The following JAM2 variants were observed in gnomAD, a reference collection of about 807,000 sequenced individuals.
JAM2 encodes the protein junctional adhesion molecule 2.
Under a neutral mutation model 42.0 loss-of-function variants are expected in JAM2, and 17 were observed. That is an observed-to-expected ratio of 0.40 (90% CI 0.28 to 0.61). JAM2 has a LOEUF of 0.61. Among genes scored for constraint, JAM2 ranks in the 20% least tolerant of loss-of-function variants. The pLI is 0.37. For synonymous variants in JAM2, 118 were observed against 128.6 expected (o/e 0.92, Z 0.56); for missense variants, 319 against 358.3 (o/e 0.89, Z 0.89).
chr21:25,645,897 C>T (rs1251309263), intron 1 of JAM2, among the ~76,000 whole-genome samples: 3 of 152,118 alleles, frequency 2.0e-5, no homozygotes, highest in African/African-American at 7.2e-5. Context: ...GGAAAAGGTA[C>T]AGTAAAAACA....
intron 2 of JAM2, among the ~76,000 whole-genome samples, chr21:25,684,711 C>T (rs1414463549): frequency 6.6e-6 from 1 of 152,070 alleles, no homozygotes; most frequent in East Asian, 1.9e-4. Context: ...TCAAGTGATC[C>T]TCCCACCTCA....
chr21:25,658,321 T>TTA lies in JAM2; in HGVS notation c.67+18445_67+18446dup, dbSNP rs200494621. On this transcript the variant is annotated intron_variant, in intron 1 of 9. Coordinates refer to ENST00000480456, the MANE Select transcript of JAM2 (RefSeq NM_021219.4). Reference sequence around the variant, plus strand: ...TGGTATTTAATTGAGAAGGAATTATTTATATATATATATTTCAGGAAGCAA... The same window carrying TTA: ...TGGTATTTAATTGAGAAGGAATTATTTATATATATATATATTTCAGGAAGCAA... 8.2e-3 allele frequency among the ~76,000 whole-genome samples: 1,242 copies of TTA among 151,938 alleles called. 10 individuals are homozygous for TTA. Among genetic ancestry groups the TTA allele is most frequent in the Non-Finnish European group, 0.012 (831 of 67,912 alleles).
Position 25,714,761 on chromosome 21 carries a change from A to G in JAM2, c.*89A>G. The G allele has an allele frequency of 1.2e-6, 1 of 826,670 alleles. No homozygotes were observed. Among genetic ancestry groups the G allele is most frequent in the East Asian group, 2.9e-5 (1 of 34,148 alleles). The allele number at this position is 826,670 out of a possible 1,614,324, so 51.2% of individuals were successfully genotyped here. On this transcript the variant is annotated 3_prime_UTR_variant, in exon 10 of 10. Coordinates refer to ENST00000480456, the MANE Select transcript of JAM2 (RefSeq NM_021219.4). ...ACTCTGCTTTGTCCGACATTTGCAA[A>G]GAGGTACACGAGGAAATGGAATTGG...
chr21:25,705,896 T>C (rs1203649705), intron 6 of JAM2, 83 bp from the exon 7 acceptor site: 3 of 964,138 alleles, frequency 3.1e-6, no homozygotes, highest in African/African-American at 3.2e-5. Flanking sequence ...AAAGGGGATC[T>C]TTTTTTGAAC....
At chr21:25,672,656 CA>C (rs977195098) in intron 1 of JAM2, among the ~76,000 whole-genome samples, 3 of 152,162 alleles carry the variant, frequency 2.0e-5, no homozygotes, top group African/African-American at 7.2e-5. Context: ...ATATAGCTCT[CA>C]AAGTCTGATG....
chr21:25,688,544 G>C (rs1008930321), intron 2 of JAM2, among the ~76,000 whole-genome samples: 2 of 152,150 alleles, frequency 1.3e-5, no homozygotes, highest in African/African-American at 2.4e-5. Context: ...CTTAGCACAC[G>C]TTTGTCTTTG....
chr21:25,680,192 G>GGTTT (rs2033596500), intron 1 of JAM2, among the ~76,000 whole-genome samples: 1 of 152,042 alleles, frequency 6.6e-6, no homozygotes, highest in Admixed American at 6.6e-5. Flanking sequence ...TACTCATGAT[G>GGTTT]GTTTCTCTTA....
intron 1 of JAM2, among the ~76,000 whole-genome samples, chr21:25,665,569 G>T (rs866512954): frequency 2.4e-4 from 36 of 152,240 alleles, no homozygotes; most frequent in African/African-American, 7.7e-4. Context: ...ATGTGATTAT[G>T]GAGGCAAGCA....
In JAM2 at chr21:25,701,589, A is replaced by G. The variant is rs1178685295; in HGVS notation, c.598-581A>G. On this transcript the variant is annotated intron_variant, in intron 5 of 9. Coordinates refer to ENST00000480456, the MANE Select transcript of JAM2 (RefSeq NM_021219.4). ...TTTGGTTGCTTTGACAGGGATGGGA[A>G]GGAGCAAGGGCTGGCTTTTCTTTTC... 6.6e-5 allele frequency among the ~76,000 whole-genome samples: 10 copies of G among 152,226 alleles called. No individual in the cohort carries two copies. In the East Asian group the frequency reaches 1.9e-3, roughly 29 times the overall value.
intron 3 of JAM2, among the ~76,000 whole-genome samples, chr21:25,693,334 T>G (rs181252560): frequency 6.6e-6 from 1 of 152,084 alleles, no homozygotes; most frequent in African/African-American, 2.4e-5. Context: ...CTCGGCTCAC[T>G]GCAGCCTCCG....
At chr21:25,646,439 T>A (rs2032614068) in intron 1 of JAM2, among the ~76,000 whole-genome samples, 1 of 152,208 alleles carries the variant, frequency 6.6e-6, no homozygotes, top group Non-Finnish European at 1.5e-5. Flanking sequence ...ATTTTCAGTA[T>A]TTGTTTCCAG....
At chr21:25,702,311 G>A (rs778599864) in intron 6 of JAM2, 42 bp downstream of exon 6, 7 of 1,305,688 alleles carry the variant, frequency 5.4e-6, no homozygotes, top group East Asian at 2.3e-5. Context: ...TTTGCAATTC[G>A]ACTGTGAAGT....
chr21:25,670,281 C>T (rs186485645), intron 1 of JAM2, among the ~76,000 whole-genome samples: 61 of 152,086 alleles, frequency 4.0e-4, no homozygotes, highest in African/African-American at 1.4e-3. Context: ...CCCAGAGTTT[C>T]GAGACCAGCC....
At chr21:25,675,223 C>T (rs975201395) in intron 1 of JAM2, among the ~76,000 whole-genome samples, 3 of 152,152 alleles carry the variant, frequency 2.0e-5, no homozygotes, top group East Asian at 1.9e-4. Flanking sequence ...TGGCCAGGCG[C>T]GGTGGCTTAC....
Position 25,667,196 on chromosome 21 carries a change from G to T in JAM2, c.68-16687G>T, listed in dbSNP as rs989419179. 2.0e-5 allele frequency among the ~76,000 whole-genome samples: 3 copies of T among 152,134 alleles called. No individual in the cohort carries two copies. In the East Asian group the frequency reaches 5.8e-4, roughly 29 times the overall value. ...GGGATGGGAATCATCCCTTTGTCTG[G>T]TGTATTCATGCTGTAGAAGCTACCC... On this transcript the variant is annotated intron_variant, in intron 1 of 9. Transcript: ENST00000480456.
At position 25,693,780 on chromosome 21, in the gene JAM2, T is replaced by C. The variant is rs770210407; in HGVS notation, c.266T>C (p.Met89Thr). Reference sequence around the variant, plus strand: ...GGTGATTTTAAAAATCGAGCTGAGATGATAGATTTCAATATCCGGATCAAA... The same window carrying C: ...GGTGATTTTAAAAATCGAGCTGAGACGATAGATTTCAATATCCGGATCAAA... ...LQGDFKNRAEMIDFNIRIKNV... is the reference protein window; with the variant it reads ...LQGDFKNRAETIDFNIRIKNV... The change falls in exon 4 of 10, where the codon ATG becomes ACG. Residue 89 changes from methionine to threonine, a missense_variant. Physicochemically the swap from Met to Thr is moderately conservative, Grantham distance 81. Transcript: ENST00000480456. 3 of 1,614,034 alleles carry C rather than the reference T, an allele frequency of 1.9e-6. No individual in the cohort carries two copies. In the East Asian group the frequency reaches 6.7e-5, roughly 36 times the overall value.
At position 25,683,861 on chromosome 21, in the gene JAM2, CCTAT is replaced by C; in HGVS notation, c.68-19_68-16del. The stretch of plus-strand genomic sequence containing the variant: ...TGAACTTTTGTATAATTTTAATTAT[CCTAT>C]CTGTTTTAATCTTTCAGATCATAAG... On this transcript the variant is annotated intron_variant, in intron 1 of 9. Transcript: ENST00000480456. 5.2e-6 allele frequency: 8 copies of C among 1,534,142 alleles called. No homozygotes were observed. The highest frequency in any genetic ancestry group is 7.2e-6 in the Non-Finnish European group (8 of 1,112,456).
intron 1 of JAM2, among the ~76,000 whole-genome samples, chr21:25,645,055 AT>A (rs2032566441): frequency 6.6e-6 from 1 of 152,060 alleles, no homozygotes; most frequent in African/African-American, 2.4e-5. Flanking sequence ...TAACTTTTGT[AT>A]TTTTAGTAGA....
rs147891840 is a variant in JAM2 at position 25,692,994 on chromosome 21, A to G, written c.242-762A>G. Among the ~76,000 whole-genome samples the G allele has an allele frequency of 3.8e-3, 579 of 152,324 alleles. 16 individuals are homozygous for G. The highest frequency in any genetic ancestry group is 0.035 in the Admixed American group (528 of 15,298). On this transcript the variant is annotated intron_variant, in intron 3 of 9. Transcript: ENST00000480456. ...CACCTGCATCTTGTTACTATAAGGT[A>G]TATGTTAGACTGAAACTGGAGAAAT... is the stretch of plus-strand genomic sequence containing the variant.
Sources: gnomAD v4.1 joint callset for allele counts (sites outside exome capture counted in the v4.1 genomes callset) on GRCh38, gnomAD v4.1.1 for gene constraint, MANE v1.5 for transcripts, NCBI Gene and HGNC (gene_info 2026-07-23, HGNC 2026-07-21) for gene names.